DPP10: variants seen among roughly 807,000 people sequenced by gnomAD.
The protein encoded by DPP10 is dipeptidyl peptidase like 10.
Under a neutral mutation model 120.9 loss-of-function variants are expected in DPP10, and 33 were observed. The ratio of observed to expected loss-of-function variants is 0.27; its 90% confidence interval spans 0.21 to 0.37. The LOEUF (loss-of-function observed/expected upper bound fraction) is 0.37. Ranked by LOEUF, DPP10 falls within the 10% of genes least tolerant of loss-of-function variation. DPP10 has a pLI of 1.00. For synonymous variants in DPP10, 337 were observed against 326.1 expected (o/e 1.03, Z -0.36); for missense variants, 816 against 942.8 (o/e 0.87, Z 1.76).
At chr2:115,197,773 T>C (rs185345334) in intron 1 of DPP10, among the ~76,000 whole-genome samples, 1 of 152,298 alleles carries the variant, frequency 6.6e-6, no homozygotes, top group Admixed American at 6.5e-5. Context: ...AACAGGATAT[T>C]AGGGTTTTGA....
chr2:115,154,238 T>G (rs903935152), intron 1 of DPP10, among the ~76,000 whole-genome samples: 22 of 152,192 alleles, frequency 1.4e-4, no homozygotes, highest in African/African-American at 5.3e-4. Context: ...ATATATTAGG[T>G]AAGAAATAAA....
At chr2:115,430,508 G>A (rs759333553) in intron 3 of DPP10, among the ~76,000 whole-genome samples, 3 of 152,076 alleles carry the variant, frequency 2.0e-5, no homozygotes, top group South Asian at 2.1e-4. Context: ...GATTTTTAAT[G>A]TCTTTGTCCG....
intron 9 of DPP10, among the ~76,000 whole-genome samples, chr2:115,742,134 A>T (rs974046045): frequency 2.6e-5 from 4 of 152,078 alleles, no homozygotes; most frequent in African/African-American, 9.7e-5. Flanking sequence ...CAATTGTCTC[A>T]ATTTTACAAA....
chr2:114,550,249 G>A (rs1687775981), intron 1 of DPP10, among the ~76,000 whole-genome samples: 1 of 152,204 alleles, frequency 6.6e-6, no homozygotes, highest in Admixed American at 6.5e-5. Context: ...AAGGGTGTGA[G>A]CATAGGACAA....
intron 5 of DPP10, among the ~76,000 whole-genome samples, chr2:115,687,000 A>G (rs2091025156): frequency 1.3e-5 from 2 of 152,022 alleles, no homozygotes; most frequent in Non-Finnish European, 1.5e-5. Flanking sequence ...ATGAAATAAG[A>G]CCTACTTAGC....
chr2:114,841,407 A>G (rs1428964747), intron 1 of DPP10, among the ~76,000 whole-genome samples: 1 of 152,174 alleles, frequency 6.6e-6, no homozygotes, highest in African/African-American at 2.4e-5. Flanking sequence ...GGGTAAGACT[A>G]TGGTTTGAGG....
At chr2:114,644,807 C>G (rs10178029) in intron 1 of DPP10, among the ~76,000 whole-genome samples, 44,313 of 151,666 alleles carry the variant, frequency 0.29, 8,372 homozygotes, top group African/African-American at 0.53. Flanking sequence ...CACTCTGGCA[C>G]CTCTGAAGTT....
chr2:114,805,518 C>G (rs1305596601), intron 1 of DPP10, among the ~76,000 whole-genome samples: 1 of 152,190 alleles, frequency 6.6e-6, no homozygotes, highest in Non-Finnish European at 1.5e-5. Context: ...ACATAGAAAA[C>G]CTAATATAAA....
At chr2:115,790,775 T>A (rs922895729) in intron 17 of DPP10, among the ~76,000 whole-genome samples, 1 of 152,226 alleles carries the variant, frequency 6.6e-6, no homozygotes, top group Non-Finnish European at 1.5e-5. Flanking sequence ...GTATTGTGAA[T>A]CGCATCTCAT....
intron 1 of DPP10, among the ~76,000 whole-genome samples, chr2:114,852,036 G>A (rs573932039): frequency 4.4e-4 from 66 of 150,474 alleles, no homozygotes; most frequent in African/African-American, 1.3e-3. Flanking sequence ...AGGGATTCAT[G>A]ATCTGAATAC....
At chr2:114,925,186 G>C (rs1051963172) in intron 1 of DPP10, among the ~76,000 whole-genome samples, 2 of 145,158 alleles carry the variant, frequency 1.4e-5, no homozygotes, top group Non-Finnish European at 3.0e-5. Flanking sequence ...ACTCCAGCCT[G>C]GGCAACAGAG....
intron 3 of DPP10, among the ~76,000 whole-genome samples, chr2:115,472,705 C>G (rs1048104792): frequency 1.3e-5 from 2 of 152,126 alleles, no homozygotes; most frequent in African/African-American, 4.8e-5. Flanking sequence ...GAAGAATGTG[C>G]TATTCATTTC....
intron 12 of DPP10, among the ~76,000 whole-genome samples, chr2:115,766,189 G>C (rs1680686670): frequency 6.6e-6 from 1 of 151,082 alleles, no homozygotes; most frequent in Non-Finnish European, 1.5e-5. Context: ...TAGTGCAAAA[G>C]TAATTGAGGT....
chr2:115,397,208 A>T (rs1222483388), intron 3 of DPP10, among the ~76,000 whole-genome samples: 1 of 152,210 alleles, frequency 6.6e-6, no homozygotes, highest in African/African-American at 2.4e-5. Flanking sequence ...AAAGAAAAAT[A>T]TAAGTTAGTC....
At chr2:114,747,633 T>A (rs575719932) in intron 1 of DPP10, among the ~76,000 whole-genome samples, 47 of 152,338 alleles carry the variant, frequency 3.1e-4, no homozygotes, top group African/African-American at 1.1e-3. Context: ...TTAGAACTTT[T>A]CAGAAAAATA....
intron 5 of DPP10, among the ~76,000 whole-genome samples, chr2:115,556,618 G>A (rs1243694344): frequency 6.6e-6 from 1 of 152,056 alleles, no homozygotes; most frequent in Non-Finnish European, 1.5e-5. Flanking sequence ...AAAGGATTTA[G>A]TTAGGGCATT....
intron 1 of DPP10, among the ~76,000 whole-genome samples, chr2:114,524,378 C>A (rs1370343145): frequency 6.6e-6 from 1 of 152,184 alleles, no homozygotes; most frequent in Non-Finnish European, 1.5e-5. Context: ...GACAGAAGAG[C>A]CACTGATGCT....
intron 1 of DPP10, among the ~76,000 whole-genome samples, chr2:115,212,226 T>C (rs2056562292): frequency 1.3e-5 from 2 of 152,164 alleles, no homozygotes; most frequent in Non-Finnish European, 2.9e-5. Flanking sequence ...CCTCCCTGCC[T>C]GAATCTGTTA....
At chr2:115,271,961 C>T (rs2059717222) in intron 1 of DPP10, among the ~76,000 whole-genome samples, 1 of 152,116 alleles carries the variant, frequency 6.6e-6, no homozygotes, top group African/African-American at 2.4e-5. Context: ...ATCTTAAAAT[C>T]CTTTTAGAGT....
Sources: allele counts gnomAD v4.1 joint callset (sites outside exome capture counted in the v4.1 genomes callset), GRCh38; gene constraint gnomAD v4.1.1; transcripts MANE v1.5; gene names NCBI Gene and HGNC (gene_info 2026-07-23, HGNC 2026-07-21).